The following NR6A1 variants were observed in gnomAD, a reference collection of about 807,000 sequenced individuals.
NR6A1 encodes retinoic acid receptor-related testis-associated receptor.
In NR6A1, 7 loss-of-function variants were observed where a neutral mutation model predicts 59.1. The ratio of observed to expected loss-of-function variants is 0.12; its 90% CI spans 0.07 to 0.22. NR6A1 has a LOEUF of 0.22. Among genes scored for constraint, NR6A1 ranks in the 10% least tolerant of loss-of-function variants. The probability of loss-of-function intolerance (pLI) is 1.00; values close to 1 mark genes in which losing one functional copy is unlikely to be tolerated. For synonymous variants in NR6A1, 243 were observed against 236.1 expected (o/e 1.03, Z -0.27); for missense variants, 468 against 611.6 (o/e 0.77, Z 2.48).
intron 2 of NR6A1, among the ~76,000 whole-genome samples, chr9:124,628,895 G>A (rs113214845): frequency 6.6e-6 from 1 of 151,958 alleles, no homozygotes; most frequent in Non-Finnish European, 1.5e-5. Context: ...CCCGAGTTCA[G>A]GCAATCTGCC....
At chr9:124,572,391 G>A (rs1260051942) in intron 2 of NR6A1, among the ~76,000 whole-genome samples, 1 of 152,168 alleles carries the variant, frequency 6.6e-6, no homozygotes, top group African/African-American at 2.4e-5. Flanking sequence ...GAACATGGAG[G>A]GAAGGAGGTA....
chr9:124,599,016 T>C, intron 2 of NR6A1: 2 of 742,776 alleles, frequency 2.7e-6, no homozygotes, highest in Non-Finnish European at 5.0e-6. Context: ...TTCAGGGTCT[T>C]GTCCCTCCTC....
chr9:124,540,288 C>T, intron 4 of NR6A1, 101 bp from the exon 5 acceptor site: 4 of 1,307,368 alleles, frequency 3.1e-6, no homozygotes, highest in Non-Finnish European at 4.2e-6. Context: ...TCCCAGAAAC[C>T]TAGGTTCCCT....
intron 2 of NR6A1, among the ~76,000 whole-genome samples, chr9:124,655,059 T>G (rs1412673381): frequency 6.6e-6 from 1 of 152,188 alleles, no homozygotes; most frequent in African/African-American, 2.4e-5. Context: ...CAGCAATTAG[T>G]TGTTCAGCTA....
chr9:124,530,968 A>G (rs1001080605), intron 7 of NR6A1, among the ~76,000 whole-genome samples: 2 of 152,212 alleles, frequency 1.3e-5, no homozygotes, highest in African/African-American at 4.8e-5. Flanking sequence ...TAGAACAGGG[A>G]TAATATTAGT....
intron 1 of NR6A1, among the ~76,000 whole-genome samples, chr9:124,745,595 C>T (rs1224896928): frequency 2.0e-5 from 3 of 151,356 alleles, no homozygotes; most frequent in Non-Finnish European, 2.9e-5. Context: ...CGCTTGAACC[C>T]GGGAGGCAGA....
intron 7 of NR6A1, among the ~76,000 whole-genome samples, chr9:124,532,595 G>C (rs1458169592): frequency 6.6e-6 from 1 of 152,176 alleles, no homozygotes; most frequent in Non-Finnish European, 1.5e-5. Flanking sequence ...CATGGAATCA[G>C]AACTAACATG....
At chr9:124,697,197 C>A (rs954061047) in intron 2 of NR6A1, among the ~76,000 whole-genome samples, 1 of 152,172 alleles carries the variant, frequency 6.6e-6, no homozygotes, top group African/African-American at 2.4e-5. Context: ...ATTTATGATT[C>A]ATAAGCATGG....
chr9:124,615,872 T>C (rs1835874647), intron 2 of NR6A1, among the ~76,000 whole-genome samples: 1 of 152,196 alleles, frequency 6.6e-6, no homozygotes, highest in East Asian at 2.0e-4. Flanking sequence ...TCTCGCTCTG[T>C]AGCCCAGGCT....
At chr9:124,668,815 C>T (rs2130961549) in intron 2 of NR6A1, among the ~76,000 whole-genome samples, 1 of 152,274 alleles carries the variant, frequency 6.6e-6, no homozygotes, top group African/African-American at 2.4e-5. Flanking sequence ...TACATCCCTG[C>T]CAGCAGGGAC....
chr9:124,576,712 T>C lies in NR6A1; in HGVS notation c.143-22142A>G, dbSNP rs546248740. On this transcript the variant is annotated intron_variant, in intron 2 of 9. Transcript: ENST00000487099. ...TGGATTTTTGTGAGAATTAAGAGAT[T>C]AGAATAGGTAAAAGACTTGTAGAGT... Among the ~76,000 whole-genome samples, 24 of 152,260 alleles carry C rather than the reference T, an allele frequency of 1.6e-4. 1 individual carries two copies. The South Asian group carries it at 1.7e-3, about 11-fold the overall frequency.
chr9:124,569,265 A>C (rs1834368702), intron 2 of NR6A1, among the ~76,000 whole-genome samples: 1 of 152,226 alleles, frequency 6.6e-6, no homozygotes, highest in Admixed American at 6.5e-5. Context: ...CCCTTCTAGC[A>C]ATCGGTTCTA....
At chr9:124,595,769 T>A in intron 2 of NR6A1, 1 of 1,288,898 alleles carries the variant, frequency 7.8e-7, no homozygotes. Flanking sequence ...CTCCATTTCA[T>A]GCTTCTTGTA....
At chr9:124,721,554 AT>A (rs1839565600) in intron 2 of NR6A1, among the ~76,000 whole-genome samples, 1 of 152,174 alleles carries the variant, frequency 6.6e-6, no homozygotes, top group Non-Finnish European at 1.5e-5. Context: ...AACAAGGGAG[AT>A]TTGTGAACTA....
At chr9:124,682,201 C>T (rs957849882) in intron 2 of NR6A1, among the ~76,000 whole-genome samples, 3 of 152,050 alleles carry the variant, frequency 2.0e-5, no homozygotes, top group Non-Finnish European at 4.4e-5. Context: ...AGGGTTTCAC[C>T]ATGTCGGCCA....
chr9:124,751,368 G>A (rs1277725691), intron 1 of NR6A1, among the ~76,000 whole-genome samples: 1 of 152,180 alleles, frequency 6.6e-6, no homozygotes, highest in African/African-American at 2.4e-5. Flanking sequence ...AAGTTTTTGT[G>A]TGTGTGATTT....
At chr9:124,700,565 G>A (rs1838910165) in intron 2 of NR6A1, among the ~76,000 whole-genome samples, 1 of 151,802 alleles carries the variant, frequency 6.6e-6, no homozygotes, top group African/African-American at 2.4e-5. Context: ...GTTTATCCAT[G>A]TTGTAGCATG....
chr9:124,767,160 C>T (rs1312994278), intron 1 of NR6A1, among the ~76,000 whole-genome samples: 1 of 152,110 alleles, frequency 6.6e-6, no homozygotes, highest in Admixed American at 6.5e-5. Flanking sequence ...GAATGAGAAA[C>T]CAGAAAATTC....
At chr9:124,661,720 G>A (rs748254397) in intron 2 of NR6A1, among the ~76,000 whole-genome samples, 47 of 152,120 alleles carry the variant, frequency 3.1e-4, no homozygotes, top group Non-Finnish European at 5.6e-4. Context: ...ACAAACATCA[G>A]TTACTATCCC....
Sources: gnomAD v4.1 joint callset for allele counts (sites outside exome capture counted in the v4.1 genomes callset) on GRCh38, gnomAD v4.1.1 for gene constraint, MANE v1.5 for transcripts, NCBI Gene and HGNC (gene_info 2026-07-23, HGNC 2026-07-21) for gene names.